The following HNRNPLL variants were observed in gnomAD, a reference collection of about 807,000 sequenced individuals.
HNRNPLL encodes heterogeneous nuclear ribonucleoprotein L like, also known as heterogeneous nuclear ribonucleoprotein L-like.
Under a neutral mutation model 67.1 loss-of-function variants are expected in HNRNPLL, and 25 were observed. The ratio of observed to expected loss-of-function variants is 0.37; its 90% CI spans 0.27 to 0.52. The LOEUF (loss-of-function observed/expected upper bound fraction) is 0.52. Among genes scored for constraint, HNRNPLL ranks in the 20% least tolerant of loss-of-function variants. The pLI is 0.90. For synonymous variants in HNRNPLL, 267 were observed against 241.7 expected (o/e 1.10, Z -0.97); for missense variants, 542 against 673.9 (o/e 0.80, Z 2.17).
chr2:38,595,926 A>C (rs1667171479), intron 1 of HNRNPLL, among the ~76,000 whole-genome samples: 1 of 152,202 alleles, frequency 6.6e-6, no homozygotes, highest in Non-Finnish European at 1.5e-5. Flanking sequence ...CAAGGCAGAA[A>C]ACATACCCCT....
At chr2:38,573,599 T>C (rs537770442) in intron 7 of HNRNPLL, among the ~76,000 whole-genome samples, 172 bp from the exon 8 acceptor site, 2 of 152,012 alleles carry the variant, frequency 1.3e-5, no homozygotes, top group Non-Finnish European at 2.9e-5. Context: ...TGAGGAAAAT[T>C]AATAAAATCT....
At chr2:38,600,897 T>C (rs1347089636) in intron 1 of HNRNPLL, among the ~76,000 whole-genome samples, 1 of 152,244 alleles carries the variant, frequency 6.6e-6, no homozygotes, top group Admixed American at 6.5e-5. Context: ...ATACTATTGA[T>C]TTAATGCTTT....
intron 2 of HNRNPLL, among the ~76,000 whole-genome samples, chr2:38,590,721 T>C (rs534510487): frequency 1.3e-5 from 2 of 152,252 alleles, no homozygotes; most frequent in Admixed American, 6.5e-5. Flanking sequence ...ATATAGCTCA[T>C]GATTTGCATT....
At chr2:38,577,816 A>G (rs1223871038) in intron 6 of HNRNPLL, 1 of 451,382 alleles carries the variant, frequency 2.2e-6, no homozygotes, top group Admixed American at 3.3e-5. Flanking sequence ...TACTTTTCAG[A>G]AAGTGAATGT....
At position 38,569,818 on chromosome 2, in the gene HNRNPLL, T is replaced by G; in HGVS notation, c.1200A>C (p.Lys400Asn). The G allele has an allele frequency of 6.9e-7, 1 of 1,444,980 alleles. No homozygotes were observed. The highest frequency in any genetic ancestry group is 9.6e-7 in the Non-Finnish European group (1 of 1,044,286). The allele number at this position is 1,444,980 out of a possible 1,614,324, so 89.5% of individuals were successfully genotyped here. The change falls in exon 9 of 13, where the codon AAA (lysine) becomes AAC (asparagine). Residue 400 changes from lysine to asparagine, a missense_variant. Coordinates refer to ENST00000449105, the MANE Select transcript of HNRNPLL (RefSeq NM_138394.4). ...TAGATAATTACCAAACATTAAGTCTTTTCCCAAATAATTTGACATTATTAA... is the reference window on the plus strand; with the variant it reads ...TAGATAATTACCAAACATTAAGTCTGTTCCCAAATAATTTGACATTATTAA... ...THLNNVKLFG[K>N]RLNVCVSKQH... is the part of the protein sequence containing the mutation.
At chr2:38,564,835 A>G (rs572256900) in intron 12 of HNRNPLL, among the ~76,000 whole-genome samples, 95 of 152,124 alleles carry the variant, frequency 6.2e-4, no homozygotes, top group African/African-American at 2.2e-3. Context: ...TTGCAAAAAT[A>G]TTGCCAACAG....
intron 7 of HNRNPLL, among the ~76,000 whole-genome samples, chr2:38,573,779 ACCT>A (rs1020890401): frequency 3.3e-5 from 5 of 151,846 alleles, no homozygotes; most frequent in Non-Finnish European, 7.4e-5. Flanking sequence ...TAAAAAATAA[ACCT>A]CCTGCCAATG....
chr2:38,567,260 G>A (rs1167112475), intron 12 of HNRNPLL, among the ~76,000 whole-genome samples: 4 of 151,278 alleles, frequency 2.6e-5, no homozygotes, highest in African/African-American at 9.7e-5. Flanking sequence ...GTGCCACCAC[G>A]CCAGGTTAAT....
chr2:38,580,027 A>G (rs1346913017), intron 6 of HNRNPLL, among the ~76,000 whole-genome samples: 2 of 152,240 alleles, frequency 1.3e-5, no homozygotes, highest in Non-Finnish European at 2.9e-5. Flanking sequence ...ATGAAGAACT[A>G]ACCTCAGCTG....
At chr2:38,572,166 C>A (rs1666111872) in intron 8 of HNRNPLL, among the ~76,000 whole-genome samples, 2 of 152,154 alleles carry the variant, frequency 1.3e-5, no homozygotes, top group South Asian at 4.1e-4. Context: ...TGCCCAGTTA[C>A]ACAAGTATAG....
chr2:38,573,856 A>G (rs935653497), intron 7 of HNRNPLL, among the ~76,000 whole-genome samples: 3 of 151,936 alleles, frequency 2.0e-5, no homozygotes, highest in Non-Finnish European at 4.4e-5. Flanking sequence ...CTACACAGAT[A>G]TAACAAAAAG....
intron 1 of HNRNPLL, among the ~76,000 whole-genome samples, chr2:38,594,760 GC>G (rs1378608446): frequency 2.6e-5 from 4 of 152,000 alleles, no homozygotes; most frequent in Admixed American, 6.5e-5. Context: ...GATCAACCTG[GC>G]CAACATGGCA....
chr2:38,565,083 G>A (rs1665805310), intron 12 of HNRNPLL, among the ~76,000 whole-genome samples: 2 of 150,988 alleles, frequency 1.3e-5, no homozygotes, highest in South Asian at 4.2e-4. Flanking sequence ...TTCAGACCAG[G>A]CAGAAACAGC....
chr2:38,569,083 T>C, intron 10 of HNRNPLL, 50 bp downstream of exon 10: 1 of 1,317,418 alleles, frequency 7.6e-7, no homozygotes, highest in Non-Finnish European at 1.1e-6. Flanking sequence ...AAACAGATTT[T>C]AAAATAGGAA....
At chr2:38,593,787 C>G (rs562973349) in intron 1 of HNRNPLL, among the ~76,000 whole-genome samples, 4 of 151,548 alleles carry the variant, frequency 2.6e-5, no homozygotes, top group Non-Finnish European at 5.9e-5. Context: ...TGCTTGAACC[C>G]AGGAGGCACA....
At chr2:38,601,041 A>T (rs879722229) in intron 1 of HNRNPLL, among the ~76,000 whole-genome samples, 1 of 152,256 alleles carries the variant, frequency 6.6e-6, no homozygotes, top group Non-Finnish European at 1.5e-5. Context: ...ATACATCGAA[A>T]TATCAGTTAT....
chr2:38,573,555 GA>G, intron 7 of HNRNPLL, 128 bp from the exon 8 acceptor site: 2 of 643,886 alleles, frequency 3.1e-6, no homozygotes, highest in East Asian at 5.7e-5. Context: ...GATGTACAAA[GA>G]AAACTCAAAT....
At position 38,597,834 on chromosome 2, in the gene HNRNPLL, C is replaced by T. The variant is rs1355957263; in HGVS notation, c.189+4604G>A. 4.6e-5 allele frequency among the ~76,000 whole-genome samples: 7 copies of T among 151,622 alleles called. No individual in the cohort carries two copies. In the South Asian group the frequency reaches 8.3e-4, roughly 18 times the overall value. Reference sequence around the variant, plus strand: ...TCCGGAGTAGCTGGGATTACAGGCGCGTGCCACCACACCCGGCTAATTTTT... The same window carrying T: ...TCCGGAGTAGCTGGGATTACAGGCGTGTGCCACCACACCCGGCTAATTTTT... On this transcript the variant is annotated intron_variant, in intron 1 of 12. Coordinates refer to ENST00000449105, the MANE Select transcript of HNRNPLL (RefSeq NM_138394.4).
Position 38,563,937 on chromosome 2 carries a change from T to C in HNRNPLL, c.*245A>G, listed in dbSNP as rs1230548361. 1 of 355,274 alleles carries C rather than the reference T, an allele frequency of 2.8e-6. No homozygotes were observed. Among genetic ancestry groups the C allele is most frequent in the East Asian group, 4.9e-5 (1 of 20,608 alleles). 22.0% of individuals were successfully genotyped at this position (355,274 alleles called of 1,614,324 possible). A position where few individuals can be genotyped will look rare whatever the true frequency, so the allele number is the denominator to read the frequency against. ...ATTCCAGTAATAAGGTTAGAAATCA[T>C]ATATCTGTATAATCTACAATGAAGC... On this transcript the variant is annotated 3_prime_UTR_variant, in exon 13 of 13. Coordinates refer to ENST00000449105, the MANE Select transcript of HNRNPLL (RefSeq NM_138394.4).
Sources: allele counts gnomAD v4.1 joint callset (sites outside exome capture counted in the v4.1 genomes callset), GRCh38; gene constraint gnomAD v4.1.1; transcripts MANE v1.5; gene names NCBI Gene and HGNC (gene_info 2026-07-23, HGNC 2026-07-21).